The following CDH18 variants were observed in gnomAD, a reference collection of about 807,000 sequenced individuals.
CDH18 encodes cadherin-18.
A neutral mutation model predicts 67.9 loss-of-function variants in CDH18; 31 were observed. The ratio of observed to expected loss-of-function variants is 0.46; its 90% CI spans 0.34 to 0.62. The LOEUF (loss-of-function observed/expected upper bound fraction) is 0.62. CDH18 is among the 20% of genes least tolerant of loss of function. CDH18 has a pLI of 0.01. For missense variants in CDH18, 890 were observed against 975.5 expected (o/e 0.91, Z 1.17); for synonymous variants, 362 against 347.2 (o/e 1.04, Z -0.48).
Position 19,591,230 on chromosome 5 carries a change from A to G in CDH18, c.826T>C (p.Tyr276His). 1 of 1,601,818 alleles carries G rather than the reference A, an allele frequency of 6.2e-7. No individual in the cohort carries two copies. The highest frequency in any genetic ancestry group is 1.1e-5 in the South Asian group (1 of 88,836). The change falls in exon 7 of 13, where the codon TAT becomes CAT. Residue 276 changes from tyrosine to histidine, a missense_variant. By Grantham distance (83) the Tyr-to-His change is moderately conservative. Coordinates refer to ENST00000382275, the MANE Select transcript of CDH18 (RefSeq NM_004934.5). Reference sequence around the variant, plus strand: ...CCAACTTGAGCTGACTCAGGAACATATAGCTGATAGTGTTCTGGAAGACAT... The same window carrying G: ...CCAACTTGAGCTGACTCAGGAACATGTAGCTGATAGTGTTCTGGAAGACAT... ...PRFPQKHYQLYVPESAQVGSA... is the reference protein window; with the variant it reads ...PRFPQKHYQLHVPESAQVGSA...
At chr5:20,405,842 T>A (rs1309224366) in intron 1 of CDH18, among the ~76,000 whole-genome samples, 2 of 152,206 alleles carry the variant, frequency 1.3e-5, no homozygotes, top group African/African-American at 2.4e-5. Flanking sequence ...ATGCTCATCA[T>A]CACTGGTCAT....
intron 2 of CDH18, among the ~76,000 whole-genome samples, chr5:19,902,618 T>G (rs1160275415): frequency 6.6e-6 from 1 of 151,930 alleles, no homozygotes; most frequent in African/African-American, 2.4e-5. Context: ...AGATTTCTCA[T>G]GAGCAAGAAC....
At position 20,211,165 on chromosome 5, in the gene CDH18, G is replaced by A. The variant is rs116801510; in HGVS notation, c.-518+44279C>T. Among the ~76,000 whole-genome samples, 159 of 152,126 alleles carry A rather than the reference G, an allele frequency of 1.0e-3. 1 individual carries two copies. The highest frequency in any genetic ancestry group is 3.7e-3 in the African/African-American group (153 of 41,522). On this transcript the variant is annotated intron_variant, in intron 2 of 14. Coordinates refer to the CDH18 transcript ENST00000507958. The stretch of plus-strand genomic sequence containing the variant: ...ACTATATCCTATTAAGTGTCCAATA[G>A]CACACTTGAAATGAAGCTTCTACCA...
intron 1 of CDH18, among the ~76,000 whole-genome samples, chr5:20,473,239 T>TA: frequency 6.6e-6 from 1 of 152,202 alleles, no homozygotes; most frequent in African/African-American, 2.4e-5. Context: ...AACAAAAAAT[T>TA]AAAAAATGCC....
In CDH18 at chr5:19,694,091, G is replaced by A. The variant is rs558692235; in HGVS notation, c.643+27256C>T. 8.8e-4 allele frequency among the ~76,000 whole-genome samples: 134 copies of A among 152,030 alleles called. 1 individual carries two copies. Among genetic ancestry groups the A allele is most frequent in the Non-Finnish European group, 1.3e-3 (87 of 67,960 alleles). On this transcript the variant is annotated intron_variant, in intron 5 of 12. Transcript: ENST00000382275. Reference sequence around the variant, plus strand: ...GCACGTATATACACAAAAAACAGACGCACAAACAGAAACTCAGCCTCCACA... The same window carrying A: ...GCACGTATATACACAAAAAACAGACACACAAACAGAAACTCAGCCTCCACA...
intron 2 of CDH18, among the ~76,000 whole-genome samples, chr5:20,120,516 C>A (rs1344925398): frequency 1.3e-5 from 2 of 152,156 alleles, no homozygotes; most frequent in East Asian, 3.9e-4. Context: ...ATATTCAGTT[C>A]AACATTATAT....
intron 1 of CDH18, among the ~76,000 whole-genome samples, chr5:20,569,900 CATGTTG>C (rs1389892666): frequency 2.6e-5 from 4 of 152,078 alleles, no homozygotes; most frequent in Non-Finnish European, 5.9e-5. Flanking sequence ...ACTTTAAATG[CATGTTG>C]ATTAAGAAAA....
intron 1 of CDH18, among the ~76,000 whole-genome samples, chr5:20,441,764 A>C (rs1749622812): frequency 6.7e-6 from 1 of 149,790 alleles, no homozygotes; most frequent in Admixed American, 6.6e-5. Flanking sequence ...TGAGAAAACA[A>C]GATAAAAGGA....
intron 6 of CDH18, among the ~76,000 whole-genome samples, chr5:19,611,442 G>A (rs1263212069): frequency 1.1e-4 from 16 of 152,112 alleles, no homozygotes; most frequent in East Asian, 3.9e-4. Flanking sequence ...ACAAAGGGCC[G>A]TGAATAAGGA....
intron 12 of CDH18, among the ~76,000 whole-genome samples, chr5:19,474,140 A>G (rs1430305297): frequency 6.6e-6 from 1 of 152,172 alleles, no homozygotes; most frequent in Non-Finnish European, 1.5e-5. Context: ...TACACTAAAG[A>G]TGTTTTAAGT....
At chr5:20,574,756 G>A (rs1055644781) in intron 1 of CDH18, among the ~76,000 whole-genome samples, 9 of 152,026 alleles carry the variant, frequency 5.9e-5, no homozygotes, top group East Asian at 1.9e-4. Flanking sequence ...TGCTTAACCC[G>A]CACGTAGCAT....
chr5:20,492,108 G>A (rs1031935901), intron 1 of CDH18, among the ~76,000 whole-genome samples: 5 of 151,612 alleles, frequency 3.3e-5, no homozygotes, highest in African/African-American at 9.7e-5. Context: ...AATTATTTAC[G>A]TATTCTGAGG....
chr5:20,389,982 T>C (rs373746563), intron 1 of CDH18, among the ~76,000 whole-genome samples: 2 of 152,106 alleles, frequency 1.3e-5, no homozygotes, highest in African/African-American at 4.8e-5. Flanking sequence ...TATACAAAAA[T>C]TAATTCAAGA....
chr5:20,246,046 G>A (rs1386367198), intron 2 of CDH18, among the ~76,000 whole-genome samples: 2 of 152,100 alleles, frequency 1.3e-5, no homozygotes, highest in Non-Finnish European at 2.9e-5. Context: ...AGAGAAGCAA[G>A]CAGTAGCATA....
intron 1 of CDH18, among the ~76,000 whole-genome samples, chr5:19,987,092 G>A (rs1799638839): frequency 6.6e-6 from 1 of 151,802 alleles, no homozygotes; most frequent in African/African-American, 2.4e-5. Context: ...ATTTTTTCTT[G>A]ACTTCCAACA....
At chr5:20,203,667 G>GGAAA (rs1739640046) in intron 2 of CDH18, among the ~76,000 whole-genome samples, 1 of 149,630 alleles carries the variant, frequency 6.7e-6, no homozygotes, top group African/African-American at 2.5e-5. Flanking sequence ...AAGCCAGACA[G>GGAAA]AGAAGATTGG....
chr5:20,377,485 A>C (rs912436732), intron 1 of CDH18, among the ~76,000 whole-genome samples: 1 of 152,212 alleles, frequency 6.6e-6, no homozygotes, highest in African/African-American at 2.4e-5. Context: ...TGAAAGTGAA[A>C]GTCATTTCTT....
chr5:20,183,880 G>C (rs1435881633), intron 2 of CDH18, among the ~76,000 whole-genome samples: 1 of 151,978 alleles, frequency 6.6e-6, no homozygotes, highest in Non-Finnish European at 1.5e-5. Flanking sequence ...TGGTTCTTTT[G>C]AGTAATATTG....
chr5:20,167,668 A>G (rs1736397063), intron 2 of CDH18, among the ~76,000 whole-genome samples: 1 of 152,146 alleles, frequency 6.6e-6, no homozygotes, highest in Non-Finnish European at 1.5e-5. Flanking sequence ...TTACAAAGAG[A>G]CATGTGAATG....
Sources: gnomAD v4.1 joint callset for allele counts (sites outside exome capture counted in the v4.1 genomes callset) on GRCh38, gnomAD v4.1.1 for gene constraint, MANE v1.5 for transcripts, NCBI Gene and HGNC (gene_info 2026-07-23, HGNC 2026-07-21) for gene names.